The following BABAM2 variants were observed in gnomAD, a reference collection of about 807,000 sequenced individuals.
BABAM2 encodes the protein BRISC and BRCA1 A complex member 2.
BABAM2 carries 31 observed loss-of-function variants against 54.7 expected under a neutral mutation model. That is an observed-to-expected ratio of 0.57 (90% CI 0.43 to 0.77). BABAM2 has a LOEUF of 0.77. Ranked by LOEUF, BABAM2 falls within the 30% of genes least tolerant of loss-of-function variation. The probability of loss-of-function intolerance (pLI) is 0.00; values close to 1 mark genes in which losing one functional copy is unlikely to be tolerated. For missense variants in BABAM2, 364 were observed against 455.8 expected (o/e 0.80, Z 1.83); for synonymous variants, 167 against 162.9 (o/e 1.03, Z -0.19).
At chr2:28,267,213 C>T (rs1346712691) in intron 10 of BABAM2, among the ~76,000 whole-genome samples, 1 of 152,098 alleles carries the variant, frequency 6.6e-6, no homozygotes, top group Non-Finnish European at 1.5e-5. Flanking sequence ...ACCCTTCACC[C>T]ACTTTCTCCC....
intron 3 of BABAM2, among the ~76,000 whole-genome samples, chr2:27,968,243 G>A (rs1247064108): frequency 6.6e-6 from 1 of 152,196 alleles, no homozygotes; most frequent in Non-Finnish European, 1.5e-5. Flanking sequence ...TTGGTGCCCT[G>A]CGCCCCAGTT....
At chr2:28,253,237 T>TA (rs894654804) in intron 10 of BABAM2, among the ~76,000 whole-genome samples, 10 of 146,152 alleles carry the variant, frequency 6.8e-5, no homozygotes, top group South Asian at 4.3e-4. Context: ...CTGCCTCTAC[T>TA]AAAAAAAAAA....
Position 28,229,823 on chromosome 2 carries a change from G to C in BABAM2, c.681-7379G>C, listed in dbSNP as rs148116348. Among the ~76,000 whole-genome samples the C allele has an allele frequency of 7.2e-3, 1,097 of 152,302 alleles. 8 individuals carry two copies. The highest frequency in any genetic ancestry group is 0.025 in the African/African-American group (1,041 of 41,562). ...GCTGGTCTCAAACTCCTGATCTCAAGTGGTCCACCTGCCTTGGCCTCCCAA... is the reference window on the plus strand; with the variant it reads ...GCTGGTCTCAAACTCCTGATCTCAACTGGTCCACCTGCCTTGGCCTCCCAA... On this transcript the variant is annotated intron_variant, in intron 7 of 11. Transcript: ENST00000379624.
intron 8 of BABAM2, among the ~76,000 whole-genome samples, chr2:28,238,555 A>C (rs1038569271): frequency 2.0e-5 from 3 of 152,256 alleles, no homozygotes; most frequent in African/African-American, 7.2e-5. Context: ...AATGTCAGAG[A>C]AACTAAAATC....
intron 6 of BABAM2, among the ~76,000 whole-genome samples, chr2:28,074,699 ATTAGTTGGGGTGAGGGGAGGT>A: frequency 6.6e-6 from 1 of 151,684 alleles, no homozygotes; most frequent in East Asian, 2.0e-4. Flanking sequence ...CCTCCATGGC[ATTAGTTGGGGTGAGGGGAGGT>A]GAAAAGCGTG....
intron 10 of BABAM2, among the ~76,000 whole-genome samples, chr2:28,262,107 G>A (rs1413563767): frequency 6.6e-6 from 1 of 152,178 alleles, no homozygotes; most frequent in African/African-American, 2.4e-5. Flanking sequence ...CAAGCTGAGA[G>A]CCTGGTGTAA....
intron 7 of BABAM2, among the ~76,000 whole-genome samples, chr2:28,131,500 G>C (rs955200423): frequency 6.6e-6 from 1 of 152,100 alleles, no homozygotes; most frequent in Non-Finnish European, 1.5e-5. Context: ...GTTTAAACCT[G>C]GTTCCTGCCA....
At chr2:28,010,801 C>T (rs1170447004) in intron 4 of BABAM2, among the ~76,000 whole-genome samples, 1 of 152,096 alleles carries the variant, frequency 6.6e-6, no homozygotes, top group East Asian at 1.9e-4. Flanking sequence ...TGCTCTTCCT[C>T]CCATTGTGTT....
At chr2:28,041,606 T>C (rs1188627311) in intron 5 of BABAM2, among the ~76,000 whole-genome samples, 5 of 152,210 alleles carry the variant, frequency 3.3e-5, no homozygotes, top group Non-Finnish European at 7.3e-5. Flanking sequence ...GCTTATTTGC[T>C]CCTGTAACCC....
rs1222065863 is a variant in BABAM2 at position 28,220,220 on chromosome 2, AGTCCTGT to A, written c.681-16977_681-16971del. On this transcript the variant is annotated intron_variant, in intron 7 of 11. Transcript: ENST00000379624. ...GTTCAGAAATCGGATGGCCTGGTTC[AGTCCTGT>A]GTCCGTCATTTACTGGATGAGTTCT... Among the ~76,000 whole-genome samples, 5 of 152,296 alleles carry A rather than the reference AGTCCTGT, an allele frequency of 3.3e-5. No homozygotes were observed. The East Asian group carries it at 7.7e-4, about 24-fold the overall frequency.
intron 2 of BABAM2, among the ~76,000 whole-genome samples, chr2:27,928,359 A>G (rs192465936): frequency 4.9e-4 from 74 of 152,230 alleles, no homozygotes; most frequent in African/African-American, 1.8e-3. Context: ...CATGTTGGCC[A>G]GGCTGGTCTT....
At chr2:27,904,960 A>G (rs966259227) in intron 2 of BABAM2, among the ~76,000 whole-genome samples, 6 of 152,252 alleles carry the variant, frequency 3.9e-5, no homozygotes, top group Admixed American at 6.5e-5. Flanking sequence ...AGCAGTCAAT[A>G]CAATTAAAGC....
chr2:28,196,586 T>G (rs1677578947), intron 7 of BABAM2, among the ~76,000 whole-genome samples: 1 of 152,108 alleles, frequency 6.6e-6, no homozygotes, highest in Non-Finnish European at 1.5e-5. Context: ...TCAATGCCTG[T>G]AAGCCCAGCA....
chr2:28,232,648 A>T (rs1377218020), intron 7 of BABAM2, among the ~76,000 whole-genome samples: 1 of 152,228 alleles, frequency 6.6e-6, no homozygotes, highest in African/African-American at 2.4e-5. Context: ...AGGCAATTGT[A>T]ACACAATGGT....
intron 6 of BABAM2, among the ~76,000 whole-genome samples, chr2:28,070,342 C>G (rs770111944): frequency 5.3e-5 from 8 of 152,126 alleles, no homozygotes; most frequent in East Asian, 3.8e-4. Flanking sequence ...TTGAGCATTC[C>G]TACTATAATG....
At chr2:28,313,638 G>A (rs1292959610) in intron 11 of BABAM2, among the ~76,000 whole-genome samples, 1 of 152,196 alleles carries the variant, frequency 6.6e-6, no homozygotes, top group Admixed American at 6.5e-5. Flanking sequence ...TGAGAATTGG[G>A]CAGAACAGTG....
chr2:28,007,492 A>G lies in BABAM2; in HGVS notation c.301-17734A>G, dbSNP rs74342001. 7.2e-5 allele frequency among the ~76,000 whole-genome samples: 11 copies of G among 152,178 alleles called. No individual in the cohort carries two copies. In the East Asian group the frequency reaches 7.7e-4, roughly 11 times the overall value. ...GAGAAGATAGTGATCCTGGCACAGT[A>G]TACTCTCTATTTCCTTGTTAGAGCT... is the stretch of plus-strand genomic sequence containing the variant. On this transcript the variant is annotated intron_variant, in intron 4 of 11. Coordinates refer to ENST00000379624, the MANE Select transcript of BABAM2 (RefSeq NM_199191.3).
At chr2:28,285,500 A>G (rs1686714900) in intron 10 of BABAM2, among the ~76,000 whole-genome samples, 1 of 152,210 alleles carries the variant, frequency 6.6e-6, no homozygotes, top group South Asian at 2.1e-4. Flanking sequence ...AGAAATAAAA[A>G]TAGGTTAATG....
chr2:28,280,471 C>T (rs192847871), intron 10 of BABAM2, among the ~76,000 whole-genome samples: 1 of 152,084 alleles, frequency 6.6e-6, no homozygotes, highest in Non-Finnish European at 1.5e-5. Context: ...CTCATGGTCA[C>T]CTTCTTTGAG....
Sources: gnomAD v4.1 joint callset for allele counts (sites outside exome capture counted in the v4.1 genomes callset) on GRCh38, gnomAD v4.1.1 for gene constraint, MANE v1.5 for transcripts, NCBI Gene and HGNC (gene_info 2026-07-23, HGNC 2026-07-21) for gene names.